The following XRRA1 variants were observed in gnomAD, a reference collection of about 807,000 sequenced individuals.
The protein encoded by XRRA1 is X-ray radiation resistance-associated protein 1.
Under a neutral mutation model 80.2 loss-of-function variants are expected in XRRA1, and 69 were observed. The ratio of observed to expected loss-of-function variants is 0.86; its 90% CI spans 0.71 to 1.05. XRRA1 has a LOEUF of 1.05. XRRA1 is among the 50% of genes least tolerant of loss of function. The pLI is 0.00. For synonymous variants in XRRA1, 348 were observed against 389.9 expected, an observed-to-expected ratio of 0.89 and a Z score of 1.27; for missense variants, 967 against 976.4, an observed-to-expected ratio of 0.99 and a Z score of 0.13.
intron 10 of XRRA1, among the ~76,000 whole-genome samples, chr11:74,879,901 A>G (rs1711994565): frequency 6.6e-6 from 1 of 151,984 alleles, no homozygotes; most frequent in Non-Finnish European, 1.5e-5. Flanking sequence ...ATCAATGTTC[A>G]TCAAAGATAT....
chr11:74,848,211 C>G lies in XRRA1; in HGVS notation c.1632G>C (p.Glu544Asp). The change falls in exon 15 of 19, where the codon GAG (glutamate) becomes GAC (aspartate). Residue 544 changes from glutamate (E) to aspartate (D), a missense_variant. By Grantham distance (45) the Glu-to-Asp change is conservative. Coordinates refer to ENST00000684022, the MANE Select transcript of XRRA1 (RefSeq NM_001378157.1). ...TTGTGTCACTCAGGTGGGACAGGGT[C>G]TCTTCACTATGCACAGTGGAGTTGG... The part of the protein sequence containing the change: ...ICSNSTVHSE[E>D]TLSHLSDTTV... The G allele has an allele frequency of 6.2e-7, 1 of 1,613,904 alleles. No homozygotes were observed. Among genetic ancestry groups the G allele is most frequent in the Non-Finnish European group, 8.5e-7 (1 of 1,179,868 alleles).
intron 10 of XRRA1, among the ~76,000 whole-genome samples, chr11:74,884,125 C>T (rs1302059411): frequency 6.6e-6 from 1 of 152,082 alleles, no homozygotes; most frequent in Non-Finnish European, 1.5e-5. Flanking sequence ...CTTGAACCCA[C>T]TGCACTCCAT....
chr11:74,895,816 C>T (rs1272332854), intron 10 of XRRA1, among the ~76,000 whole-genome samples: 1 of 152,086 alleles, frequency 6.6e-6, no homozygotes, highest in African/African-American at 2.4e-5. Flanking sequence ...CACTCTTGGC[C>T]AAAAGGGAAA....
chr11:74,858,169 G>C (rs1317955247), intron 12 of XRRA1, among the ~76,000 whole-genome samples: 1 of 152,150 alleles, frequency 6.6e-6, no homozygotes, highest in Non-Finnish European at 1.5e-5. Flanking sequence ...ATAAGAAAAA[G>C]TCAATGAAAG....
chr11:74,941,399 A>G (rs1037861449), intron 2 of XRRA1, among the ~76,000 whole-genome samples: 2 of 152,236 alleles, frequency 1.3e-5, no homozygotes, highest in African/African-American at 4.8e-5. Context: ...AACTGGATAA[A>G]TAGTATTTGA....
chr11:74,896,530 AG>A (rs145049398), intron 10 of XRRA1, among the ~76,000 whole-genome samples: 6,263 of 152,224 alleles, frequency 0.041, 132 homozygotes, highest in African/African-American at 0.058. Flanking sequence ...TAAATTGCTA[AG>A]GTGCTTGACT....
intron 15 of XRRA1, among the ~76,000 whole-genome samples, chr11:74,847,555 C>T (rs2038613759): frequency 6.6e-6 from 1 of 152,140 alleles, no homozygotes; most frequent in Non-Finnish European, 1.5e-5. Context: ...TTTTTAATTC[C>T]TACTCAGCCT....
intron 8 of XRRA1, among the ~76,000 whole-genome samples, chr11:74,909,438 A>G (rs1393036958): frequency 6.6e-6 from 1 of 152,260 alleles, no homozygotes; most frequent in Non-Finnish European, 1.5e-5. Context: ...CTAAGAAATA[A>G]GCCTTTAAAA....
At chr11:74,887,854 A>G (rs932259213) in intron 10 of XRRA1, among the ~76,000 whole-genome samples, 17 of 152,256 alleles carry the variant, frequency 1.1e-4, no homozygotes, top group Non-Finnish European at 2.4e-4. Flanking sequence ...TCAAACTGCA[A>G]TGGGGCAGTG....
intron 10 of XRRA1, chr11:74,863,909 AACCCTAGAAAACAACAGC>A (rs1426627396): frequency 1.3e-5 from 2 of 152,142 alleles, no homozygotes; most frequent in African/African-American, 4.8e-5. Context: ...CTAAGCAATG[AACCCTAGAAAACAACAGC>A]ACCTCTAGAA....
intron 7 of XRRA1, among the ~76,000 whole-genome samples, chr11:74,926,169 A>G (rs1231570653): frequency 6.6e-6 from 1 of 152,222 alleles, no homozygotes; most frequent in Non-Finnish European, 1.5e-5. Context: ...ACTTGAGACC[A>G]TGGAGAGAAG....
intron 12 of XRRA1, among the ~76,000 whole-genome samples, chr11:74,856,423 A>G (rs2041115283): frequency 6.6e-6 from 1 of 152,116 alleles, no homozygotes; most frequent in South Asian, 2.1e-4. Context: ...ATAATCTATA[A>G]AATCATAACT....
rs2036790374 is a variant in XRRA1 at position 74,842,918 on chromosome 11, T to C, written c.*282A>G. 2.4e-6 allele frequency: 1 copy of C among 418,552 alleles called. No individual in the cohort carries two copies. The highest frequency in any genetic ancestry group is 2.0e-5 in the African/African-American group (1 of 50,478). 25.9% of individuals were successfully genotyped at this position (418,552 alleles called of 1,614,324 possible). ...CCATTTTTAGAGGGAAGTGTGACAA[T>C]GCTGCTGTGGCCTGGGTTCCAAGAA... On this transcript the variant is annotated 3_prime_UTR_variant, in exon 19 of 19. Transcript: ENST00000684022.
intron 10 of XRRA1, chr11:74,876,396 C>T (rs1316407925): frequency 2.0e-5 from 3 of 152,208 alleles, no homozygotes; most frequent in Non-Finnish European, 2.9e-5. Flanking sequence ...GTATTAACAG[C>T]CTTTCCTTAC....
chr11:74,901,033 T>C (rs1346232595), intron 10 of XRRA1, among the ~76,000 whole-genome samples: 1 of 152,214 alleles, frequency 6.6e-6, no homozygotes, highest in African/African-American at 2.4e-5. Context: ...GCAGATGATA[T>C]GATCTTATAT....
chr11:74,941,445 T>C (rs932067397), intron 2 of XRRA1, among the ~76,000 whole-genome samples: 2 of 152,090 alleles, frequency 1.3e-5, no homozygotes, highest in Non-Finnish European at 2.9e-5. Context: ...AGGATAAACA[T>C]TCCAAACAGC....
At chr11:74,889,020 C>A (rs1208735560) in intron 10 of XRRA1, among the ~76,000 whole-genome samples, 1 of 152,160 alleles carries the variant, frequency 6.6e-6, no homozygotes, top group African/African-American at 2.4e-5. Context: ...CCTAGCAAGG[C>A]AGGCCAACAT....
intron 10 of XRRA1, among the ~76,000 whole-genome samples, chr11:74,869,997 T>G (rs759997465): frequency 2.0e-5 from 3 of 152,186 alleles, no homozygotes; most frequent in Non-Finnish European, 4.4e-5. Flanking sequence ...GTGGGGCCCA[T>G]CTGGGATCCA....
intron 2 of XRRA1, among the ~76,000 whole-genome samples, chr11:74,942,198 G>T (rs1401248036): frequency 6.6e-6 from 1 of 152,118 alleles, no homozygotes; most frequent in Non-Finnish European, 1.5e-5. Context: ...GAGAGTGGGA[G>T]CTGCCAAGTA....
Sources: allele counts gnomAD v4.1 joint callset (sites outside exome capture counted in the v4.1 genomes callset), GRCh38; gene constraint gnomAD v4.1.1; transcripts MANE v1.5; gene names NCBI Gene and HGNC (gene_info 2026-07-23, HGNC 2026-07-21).